Variants in KCNQ1 observed in about 807,000 individuals in gnomAD.
KCNQ1 encodes potassium voltage-gated channel subfamily Q member 1.
In KCNQ1, 49 loss-of-function variants were observed where a neutral mutation model predicts 72.4. The ratio of observed to expected loss-of-function variants is 0.68; its 90% confidence interval spans 0.54 to 0.86. The LOEUF (loss-of-function observed/expected upper bound fraction) is 0.86, where lower values mean the gene tolerates loss of function less well. KCNQ1 is among the 40% of genes least tolerant of loss of function. The probability of loss-of-function intolerance (pLI) is 0.00; values close to 1 mark genes in which losing one functional copy is unlikely to be tolerated. For synonymous variants in KCNQ1, 450 were observed against 412.6 expected (o/e 1.09, Z -1.10); for missense variants, 790 against 945.1 (o/e 0.84, Z 2.15).
chr11:2,628,673 C>T (rs1849300614), intron 10 of KCNQ1: 3 of 398,070 alleles, frequency 7.5e-6, no homozygotes, highest in South Asian at 1.3e-4. Context: ...CGTTTTATTC[C>T]TTGTGCTTTT....
intron 11 of KCNQ1, chr11:2,667,586 C>T (rs1184307824): frequency 3.2e-4 from 7 of 22,092 alleles, no homozygotes; most frequent in African/African-American, 3.8e-4. Context: ...GGGGTCGGGG[C>T]GGGGTTGGGC....
chr11:2,665,928 T>C, intron 11 of KCNQ1: 1 of 398,554 alleles, frequency 2.5e-6, no homozygotes, highest in Non-Finnish European at 4.4e-6. Context: ...CCTGGGAGGC[T>C]GAAATCATTT....
At chr11:2,786,293 T>C (rs569903788) in intron 15 of KCNQ1, among the ~76,000 whole-genome samples, 2 of 152,198 alleles carry the variant, frequency 1.3e-5, no homozygotes, top group Non-Finnish European at 2.9e-5. Context: ...ACTGTTACCG[T>C]TGAGAATGAA....
At chr11:2,517,011 A>G (rs772130333) in intron 1 of KCNQ1, among the ~76,000 whole-genome samples, 2 of 152,140 alleles carry the variant, frequency 1.3e-5, no homozygotes, top group Non-Finnish European at 2.9e-5. Context: ...CAGGGCCCTC[A>G]AGCACGGCTG....
At chr11:2,694,789 GA>G (rs1199163508) in intron 11 of KCNQ1, 2 of 398,506 alleles carry the variant, frequency 5.0e-6, no homozygotes, top group African/African-American at 2.1e-5. Context: ...GCAGAGACTC[GA>G]AAGGTAGTCG....
intron 1 of KCNQ1, among the ~76,000 whole-genome samples, chr11:2,465,186 G>T (rs1380631999): frequency 6.6e-6 from 1 of 152,034 alleles, no homozygotes; most frequent in Non-Finnish European, 1.5e-5. Flanking sequence ...TTGAAGCAGG[G>T]TCTCACTCTG....
At chr11:2,470,334 A>G (rs1369337075) in intron 1 of KCNQ1, among the ~76,000 whole-genome samples, 1 of 152,184 alleles carries the variant, frequency 6.6e-6, no homozygotes, top group Non-Finnish European at 1.5e-5. Flanking sequence ...TTTCTTGAAA[A>G]GGGGAGGGGC....
chr11:2,468,378 C>T lies in KCNQ1; in HGVS notation c.386+22894C>T, dbSNP rs1846385415. Among the ~76,000 whole-genome samples the T allele has an allele frequency of 6.6e-6, 1 of 152,214 alleles. No homozygotes were observed. Among genetic ancestry groups the T allele is most frequent in the Non-Finnish European group, 1.5e-5 (1 of 68,042 alleles). ...CCCAGTCTAGTCTCAAGCTCCTGAG[C>T]TCAAGCGATCTGCCTGCCTCAGCCT... On this transcript the variant is annotated intron_variant, in intron 1 of 15. Transcript: ENST00000155840. This position sits in a 1 kb window ranked among gnomAD's most constrained non-coding sequence, Gnocchi z 5.7.
Position 2,654,531 on chromosome 11 carries a change from G to A in KCNQ1, c.1394-7430G>A. 1 of 398,798 alleles carries A rather than the reference G, an allele frequency of 2.5e-6. No homozygotes were observed. Among genetic ancestry groups the A allele is most frequent in the Non-Finnish European group, 4.4e-6 (1 of 226,240 alleles). The allele number at this position is 398,798 out of a possible 1,614,324, so 24.7% of individuals were successfully genotyped here. A position where few individuals can be genotyped will look rare whatever the true frequency, so the allele number is the denominator to read the frequency against. ...AGCCCTGGAAAGCTTGTGGAAGAGG[G>A]CTTGGGTTACACCTGGGAGATTAGG... On this transcript the variant is annotated intron_variant, in intron 10 of 15. Coordinates refer to ENST00000155840, the MANE Select transcript of KCNQ1 (RefSeq NM_000218.3). This position sits in a 1 kb window ranked among gnomAD's most constrained non-coding sequence, Gnocchi z 6.4.
At chr11:2,531,181 G>T (rs541612723) in intron 2 of KCNQ1, among the ~76,000 whole-genome samples, 2 of 142,218 alleles carry the variant, frequency 1.4e-5, no homozygotes, top group African/African-American at 5.5e-5. Flanking sequence ...CGTGCCCTGG[G>T]CTCCACATGC....
rs1336411822 is a variant in KCNQ1, at chr11:2,659,969, AT to A, written c.1394-1990del. ...TTGACCTGATAGGTGATATGCAAAT[AT>A]TCTTTCCAAGTCTGTGCTTTGTCTT... On this transcript the variant is annotated intron_variant, in intron 10 of 15. Coordinates refer to ENST00000155840, the MANE Select transcript of KCNQ1 (RefSeq NM_000218.3). This position sits in a 1 kb window ranked among gnomAD's most constrained non-coding sequence, Gnocchi z 4.3. 42 of 398,506 alleles carry A rather than the reference AT, an allele frequency of 1.1e-4. No individual in the cohort carries two copies. The highest frequency in any genetic ancestry group is 7.9e-4 in the East Asian group (22 of 28,024). The allele number at this position is 398,506 out of a possible 1,614,324, so 24.7% of individuals were successfully genotyped here.
chr11:2,816,335 C>T lies in KCNQ1; in HGVS notation c.1795-31432C>T, dbSNP rs938396857. On this transcript the variant is annotated intron_variant, in intron 15 of 15. Coordinates refer to ENST00000155840, the MANE Select transcript of KCNQ1 (RefSeq NM_000218.3). This position sits in a 1 kb window ranked among gnomAD's most constrained non-coding sequence, Gnocchi z 6.8. ...CTGGTGACGATGTTGGGGAGAGGGG[C>T]CTCCAGCGCCGTGGGGGAGAATTTC... Among the ~76,000 whole-genome samples, 1 of 152,164 alleles carries T rather than the reference C, an allele frequency of 6.6e-6. No individual in the cohort carries two copies. Among genetic ancestry groups the T allele is most frequent in the African/African-American group, 2.4e-5 (1 of 41,434 alleles).
rs1216455608 is a variant in KCNQ1 at position 2,565,593 on chromosome 11, C to A, written c.478-5035C>A. On this transcript the variant is annotated intron_variant, in intron 2 of 15. Transcript: ENST00000155840. The surrounding 1 kb of genome is among the most constrained non-coding windows in gnomAD (Gnocchi z 5.6). ...TCATGGTAGAACAGAGCTGAGGGTG[C>A]AGTGTGGGATGGGCTGACTTGTGGC... is the stretch of plus-strand genomic sequence containing the variant. Among the ~76,000 whole-genome samples the A allele has an allele frequency of 6.6e-6, 1 of 152,156 alleles. No homozygotes were observed. The highest frequency in any genetic ancestry group is 1.5e-5 in the Non-Finnish European group (1 of 68,020).
chr11:2,797,532 G>T (rs946656985), intron 15 of KCNQ1, among the ~76,000 whole-genome samples: 10 of 152,132 alleles, frequency 6.6e-5, no homozygotes, highest in Non-Finnish European at 1.5e-4. Flanking sequence ...GCACCTCCTG[G>T]CCACCTGCCC....
Position 2,661,641 on chromosome 11 carries a change from C to A in KCNQ1, c.1394-320C>A. ...TCTGTTTTATTCTTGACCCAAGTGT[C>A]AGTTGTGAACATGGGAAGAGGCCCA... On this transcript the variant is annotated intron_variant, in intron 10 of 15. Transcript: ENST00000155840. The surrounding 1 kb of genome is among the most constrained non-coding windows in gnomAD (Gnocchi z 5.9). 1 of 592,386 alleles carries A rather than the reference C, an allele frequency of 1.7e-6. No homozygotes were observed. Among genetic ancestry groups the A allele is most frequent in the South Asian group, 2.1e-5 (1 of 48,048 alleles). 36.7% of individuals were successfully genotyped at this position (592,386 alleles called of 1,614,324 possible).
At chr11:2,693,694 C>G (rs1213409471) in intron 11 of KCNQ1, 3 of 398,588 alleles carry the variant, frequency 7.5e-6, no homozygotes, top group African/African-American at 4.1e-5. Flanking sequence ...TGGGTGCGCT[C>G]CAGCCTCATG....
At chr11:2,728,391 G>T (rs113745874) in intron 11 of KCNQ1, among the ~76,000 whole-genome samples, 71 of 152,348 alleles carry the variant, frequency 4.7e-4, no homozygotes, top group African/African-American at 1.6e-3. Flanking sequence ...AACGCCAACT[G>T]GTTAGCTGCT....
intron 15 of KCNQ1, among the ~76,000 whole-genome samples, chr11:2,837,984 A>G (rs1180324646): frequency 1.3e-5 from 2 of 152,152 alleles, no homozygotes; most frequent in Admixed American, 6.5e-5. Flanking sequence ...CAGGAAGGAG[A>G]GGGGGTCATG....
In KCNQ1 at chr11:2,717,767, A is replaced by G. The variant is rs189184847; in HGVS notation, c.1515-51077A>G. On this transcript the variant is annotated intron_variant, in intron 11 of 15. Coordinates refer to ENST00000155840, the MANE Select transcript of KCNQ1 (RefSeq NM_000218.3). Reference sequence around the variant, plus strand: ...CAGCACTGGGGAGCCTGAGATAGAGAGCGGGTAGACAGGAAAGCAGCTCAC... The same window carrying G: ...CAGCACTGGGGAGCCTGAGATAGAGGGCGGGTAGACAGGAAAGCAGCTCAC... 5.5e-3 allele frequency among the ~76,000 whole-genome samples: 831 copies of G among 151,970 alleles called. 7 individuals are homozygous for G. The highest frequency in any genetic ancestry group is 0.019 in the African/African-American group (803 of 41,276).
Sources: allele counts gnomAD v4.1 joint callset (sites outside exome capture counted in the v4.1 genomes callset), GRCh38; gene constraint gnomAD v4.1.1; non-coding constraint Gnocchi (gnomAD v3.1); transcripts MANE v1.5; gene names NCBI Gene and HGNC (gene_info 2026-07-23, HGNC 2026-07-21).